NALCN: variants seen among roughly 807,000 people sequenced by gnomAD.
NALCN encodes the protein sodium leak channel, non-selective, also known as sodium leak channel NALCN.
Under a neutral mutation model 225.3 loss-of-function variants are expected in NALCN, and 111 were observed. The observed-to-expected ratio is 0.49, with a 90% CI of 0.42 to 0.58. NALCN has a LOEUF of 0.58. Ranked by LOEUF, NALCN falls within the 20% of genes least tolerant of loss-of-function variation. The pLI, the probability that NALCN is intolerant of heterozygous loss-of-function variation, is 0.00. For missense variants in NALCN, 1,378 were observed against 2,202.4 expected (o/e 0.63, Z 7.49); for synonymous variants, 764 against 769.0 (o/e 0.99, Z 0.11).
rs2034078497 is a variant in NALCN at position 101,089,035 on chromosome 13, T to C, written c.3489+628A>G. Among the ~76,000 whole-genome samples, 1 of 152,036 alleles carries C rather than the reference T, an allele frequency of 6.6e-6. No individual in the cohort carries two copies. Among genetic ancestry groups the C allele is most frequent in the Non-Finnish European group, 1.5e-5 (1 of 67,992 alleles). On this transcript the variant is annotated intron_variant, in intron 30 of 43. Transcript: ENST00000251127. This position sits in a 1 kb window ranked among gnomAD's most constrained non-coding sequence, Gnocchi z 4.7. Reference sequence around the variant, plus strand: ...GCCTCAGCCAACCCAGTAGCTGGGATTACAGGCATGCGCCACCACGCCCGG... The same window carrying C: ...GCCTCAGCCAACCCAGTAGCTGGGACTACAGGCATGCGCCACCACGCCCGG...
At chr13:101,248,648 T>C (rs2041972189) in intron 11 of NALCN, among the ~76,000 whole-genome samples, 1 of 152,166 alleles carries the variant, frequency 6.6e-6, no homozygotes, top group African/African-American at 2.4e-5. Flanking sequence ...GCGCTCTGAA[T>C]ATTGTTTCAC....
At chr13:101,144,950 T>C in intron 15 of NALCN, 54 bp from the exon 16 acceptor site, 2 of 1,515,054 alleles carry the variant, frequency 1.3e-6, no homozygotes, top group South Asian at 1.3e-5. Flanking sequence ...TACTATTATA[T>C]ACGTTACACA....
intron 6 of NALCN, among the ~76,000 whole-genome samples, chr13:101,348,293 A>G (rs940164594): frequency 1.3e-5 from 2 of 152,114 alleles, no homozygotes; most frequent in Admixed American, 6.6e-5. Context: ...TCCAATCCAT[A>G]ATGGTGTGAA....
At chr13:101,118,040 T>C (rs1166234434) in intron 18 of NALCN, among the ~76,000 whole-genome samples, 4 of 152,112 alleles carry the variant, frequency 2.6e-5, no homozygotes, top group Non-Finnish European at 5.9e-5. Context: ...CCATAGACTA[T>C]AGTACTCTAG....
At chr13:101,351,488 T>C (rs1232890204) in intron 6 of NALCN, among the ~76,000 whole-genome samples, 1 of 152,174 alleles carries the variant, frequency 6.6e-6, no homozygotes, top group Admixed American at 6.6e-5. Context: ...TTGTTGATAA[T>C]GGCCACAAAC....
intron 2 of NALCN, among the ~76,000 whole-genome samples, chr13:101,396,840 G>A (rs545102273): frequency 1.1e-3 from 170 of 151,538 alleles, no homozygotes; most frequent in Non-Finnish European, 2.0e-3. Context: ...TGCCTCCAAG[G>A]CCACATCTTT....
At chr13:101,149,648 T>G (rs187580725) in intron 15 of NALCN, among the ~76,000 whole-genome samples, 2 of 152,336 alleles carry the variant, frequency 1.3e-5, no homozygotes, top group African/African-American at 4.8e-5. Context: ...CTCAGAAGGT[T>G]CTTCACGATT....
intron 6 of NALCN, among the ~76,000 whole-genome samples, chr13:101,359,059 G>A (rs975276781): frequency 6.6e-6 from 1 of 152,104 alleles, no homozygotes; most frequent in African/African-American, 2.4e-5. Context: ...GAGAGCATTA[G>A]GACAAATAGC....
intron 7 of NALCN, among the ~76,000 whole-genome samples, chr13:101,322,363 G>C (rs891414796): frequency 2.6e-5 from 4 of 152,192 alleles, no homozygotes; most frequent in Admixed American, 6.5e-5. Flanking sequence ...ACATTTTTAA[G>C]TATAACATAC....
At chr13:101,201,559 G>T (rs1340351563) in intron 13 of NALCN, among the ~76,000 whole-genome samples, 1 of 152,008 alleles carries the variant, frequency 6.6e-6, no homozygotes, top group African/African-American at 2.4e-5. Flanking sequence ...TGATATTTGG[G>T]TTGTTTCCAC....
intron 13 of NALCN, among the ~76,000 whole-genome samples, chr13:101,206,529 C>T (rs868263402): frequency 1.6e-4 from 24 of 151,782 alleles, no homozygotes; most frequent in African/African-American, 3.6e-4. Flanking sequence ...TATTTTCTTT[C>T]TTTTAGAACT....
At chr13:101,130,058 T>A (rs972678090) in intron 17 of NALCN, among the ~76,000 whole-genome samples, 1 of 152,210 alleles carries the variant, frequency 6.6e-6, no homozygotes, top group Admixed American at 6.5e-5. Context: ...CTCATTCTTT[T>A]ATATGGCTGC....
At chr13:101,347,713 C>G (rs2045784352) in intron 6 of NALCN, among the ~76,000 whole-genome samples, 1 of 152,060 alleles carries the variant, frequency 6.6e-6, no homozygotes. Context: ...AAATAAGGCT[C>G]TAAGGGCCTC....
At chr13:101,231,025 G>A (rs192511434) in intron 12 of NALCN, among the ~76,000 whole-genome samples, 1 of 152,208 alleles carries the variant, frequency 6.6e-6, no homozygotes, top group African/African-American at 2.4e-5. Flanking sequence ...GTCATACACT[G>A]TACAGGTTTG....
intron 15 of NALCN, among the ~76,000 whole-genome samples, chr13:101,160,700 T>C (rs2038139437): frequency 6.6e-6 from 1 of 152,160 alleles, no homozygotes; most frequent in Non-Finnish European, 1.5e-5. Context: ...TCCTTATAAA[T>C]TGCCTTATGG....
At chr13:101,381,257 C>T (rs1594765284) in intron 3 of NALCN, among the ~76,000 whole-genome samples, 1 of 152,076 alleles carries the variant, frequency 6.6e-6, no homozygotes, top group African/African-American at 2.4e-5. Context: ...AAAGCTGCAT[C>T]TTAGGATGCT....
chr13:101,226,137 C>T (rs1180413981), intron 13 of NALCN, among the ~76,000 whole-genome samples: 1 of 151,980 alleles, frequency 6.6e-6, no homozygotes, highest in East Asian at 1.9e-4. Context: ...AAAAAACACC[C>T]AAATCAAGCA....
chr13:101,176,291 A>C lies in NALCN; in HGVS notation c.1839+9T>G. ...CCTTTTTAAAAAAAATCCCCCACAC[A>C]CTACTTACTTGTTTAAGCTTCTTTA... is the stretch of plus-strand genomic sequence containing the variant. On this transcript the variant is annotated intron_variant, in intron 15 of 43. Coordinates refer to ENST00000251127, the MANE Select transcript of NALCN (RefSeq NM_052867.4). 2 of 1,533,670 alleles carry C rather than the reference A, an allele frequency of 1.3e-6. No homozygotes were observed. Among genetic ancestry groups the C allele is most frequent in the African/African-American group, 1.4e-5 (1 of 70,500 alleles).
intron 40 of NALCN, among the ~76,000 whole-genome samples, chr13:101,065,167 G>A (rs1229197409): frequency 6.6e-6 from 1 of 152,144 alleles, no homozygotes; most frequent in Non-Finnish European, 1.5e-5. Flanking sequence ...GGGTCCCTAC[G>A]GGACATCAGG....
Sources: gnomAD v4.1 joint callset for allele counts (sites outside exome capture counted in the v4.1 genomes callset) on GRCh38, gnomAD v4.1.1 for gene constraint, Gnocchi (gnomAD v3.1) non-coding constraint, MANE v1.5 for transcripts, NCBI Gene and HGNC (gene_info 2026-07-23, HGNC 2026-07-21) for gene names.